Variants in MAGI2 observed in about 807,000 individuals in gnomAD.
The protein encoded by MAGI2 is membrane associated guanylate kinase, WW and PDZ domain containing 2, also known as membrane-associated guanylate kinase, WW and PDZ domain-containing protein 2.
A neutral mutation model predicts 133.3 loss-of-function variants in MAGI2; 35 were observed. The ratio of observed to expected loss-of-function variants is 0.26; its 90% CI spans 0.20 to 0.35. The LOEUF (loss-of-function observed/expected upper bound fraction) is 0.35. MAGI2 is among the 10% of genes least tolerant of loss of function. The pLI, the probability that MAGI2 is intolerant of heterozygous loss-of-function variation, is 1.00. For missense variants in MAGI2, 1,636 were observed against 1,863.4 expected (o/e 0.88, Z 2.25); for synonymous variants, 729 against 710.6 (o/e 1.03, Z -0.41).
At chr7:78,640,227 C>G (rs1332403208) in intron 2 of MAGI2, among the ~76,000 whole-genome samples, 1 of 151,992 alleles carries the variant, frequency 6.6e-6, no homozygotes, top group Non-Finnish European at 1.5e-5. Context: ...GTCAAATAAT[C>G]ATTTGAGACT....
At chr7:79,090,457 T>A (rs1213766178) in intron 1 of MAGI2, among the ~76,000 whole-genome samples, 1 of 152,130 alleles carries the variant, frequency 6.6e-6, no homozygotes, top group Non-Finnish European at 1.5e-5. Flanking sequence ...ATAGTTAGTT[T>A]ATAATGTAAT....
chr7:78,418,269 C>A (rs1002896833), intron 6 of MAGI2, among the ~76,000 whole-genome samples: 2 of 152,100 alleles, frequency 1.3e-5, no homozygotes, highest in African/African-American at 4.8e-5. Flanking sequence ...TAAGCAATAA[C>A]CATATGCATT....
chr7:79,437,941 T>C (rs1053468228), intron 1 of MAGI2, among the ~76,000 whole-genome samples: 2 of 152,152 alleles, frequency 1.3e-5, no homozygotes, highest in African/African-American at 2.4e-5. Context: ...TATATTATTA[T>C]AGATGTATGT....
chr7:79,119,843 C>T (rs924123659), intron 1 of MAGI2, among the ~76,000 whole-genome samples: 6 of 152,054 alleles, frequency 3.9e-5, no homozygotes, highest in African/African-American at 1.4e-4. Flanking sequence ...GCTTCCTTTA[C>T]AAGGCTAGGG....
chr7:79,136,015 A>AAG lies in MAGI2; in HGVS notation c.302-128811_302-128810dup, dbSNP rs1214926402. Among the ~76,000 whole-genome samples, 282 of 126,320 alleles carry AAG rather than the reference A, an allele frequency of 2.2e-3. 3 individuals carry two copies. Among genetic ancestry groups the AAG allele is most frequent in the African/African-American group, 9.6e-3 (260 of 27,142 alleles). 82.9% of individuals were successfully genotyped at this position (126,320 alleles called of 152,430 possible). A position where few individuals can be genotyped will look rare whatever the true frequency, so the allele number is the denominator to read the frequency against. ...AGAAAGAAAGAAAGAGAAAGAAAGA[A>AAG]AGAAAGAAAGAAGGAAAGAAAGAAA... On this transcript the variant is annotated intron_variant, in intron 1 of 21. Coordinates refer to ENST00000354212, the MANE Select transcript of MAGI2 (RefSeq NM_012301.4).
intron 2 of MAGI2, among the ~76,000 whole-genome samples, chr7:78,691,816 T>G (rs987980517): frequency 1.3e-5 from 2 of 152,086 alleles, no homozygotes; most frequent in African/African-American, 4.8e-5. Flanking sequence ...TGTATGACAC[T>G]ATAATGCTGG....
chr7:79,283,499 C>A (rs74451345), intron 1 of MAGI2, among the ~76,000 whole-genome samples: 1 of 152,126 alleles, frequency 6.6e-6, no homozygotes, highest in East Asian at 1.9e-4. Flanking sequence ...CTCTGAGGGA[C>A]CTTAATCTTC....
chr7:78,566,401 G>T (rs1458846903), intron 3 of MAGI2, among the ~76,000 whole-genome samples: 2 of 152,050 alleles, frequency 1.3e-5, no homozygotes, highest in Non-Finnish European at 2.9e-5. Flanking sequence ...ACAGGAAGAA[G>T]AAAAATGCTT....
intron 1 of MAGI2, among the ~76,000 whole-genome samples, chr7:79,049,723 T>G (rs1812503729): frequency 6.6e-6 from 1 of 152,272 alleles, no homozygotes; most frequent in Non-Finnish European, 1.5e-5. Flanking sequence ...CCTCTCATAT[T>G]TTTATACATA....
intron 1 of MAGI2, among the ~76,000 whole-genome samples, chr7:79,162,262 C>A (rs1020763480): frequency 9.9e-5 from 15 of 151,966 alleles, no homozygotes; most frequent in Non-Finnish European, 4.4e-5. Flanking sequence ...TTCTGACACA[C>A]AAATTACTCT....
intron 1 of MAGI2, among the ~76,000 whole-genome samples, chr7:79,228,370 A>AAAAAAAAAAAAAAAAAAAAAACAC (rs1491129211): frequency 6.8e-6 from 1 of 147,256 alleles, no homozygotes; most frequent in African/African-American, 2.5e-5. Context: ...AAAAAAAAAA[A>AAAAAAAAAAAAAAAAAAAAAACAC]GATCGTGGGA....
intron 2 of MAGI2, among the ~76,000 whole-genome samples, chr7:78,954,228 T>C (rs978827000): frequency 5.3e-5 from 8 of 152,264 alleles, no homozygotes; most frequent in Admixed American, 4.6e-4. Context: ...TGTCTACTTC[T>C]TATGGAGAAC....
chr7:79,140,262 G>A (rs1821993630), intron 1 of MAGI2, among the ~76,000 whole-genome samples: 1 of 152,124 alleles, frequency 6.6e-6, no homozygotes, highest in African/African-American at 2.4e-5. Flanking sequence ...AAAATTGGGT[G>A]TTTATTTCTT....
At chr7:78,909,553 ACATC>A (rs1444482139) in intron 2 of MAGI2, among the ~76,000 whole-genome samples, 1 of 147,038 alleles carries the variant, frequency 6.8e-6, no homozygotes, top group Non-Finnish European at 1.5e-5. Flanking sequence ...CAGTGAGCCG[ACATC>A]ATGCCACTGC....
intron 2 of MAGI2, among the ~76,000 whole-genome samples, chr7:78,878,136 A>G (rs943425264): frequency 6.6e-6 from 1 of 152,200 alleles, no homozygotes; most frequent in African/African-American, 2.4e-5. Context: ...AGACCTTACC[A>G]CATTACATCT....
intron 2 of MAGI2, among the ~76,000 whole-genome samples, chr7:78,966,322 C>T (rs1562727193): frequency 6.6e-6 from 1 of 152,040 alleles, no homozygotes; most frequent in Non-Finnish European, 1.5e-5. Flanking sequence ...ACCTGTTGAA[C>T]AGCAACCCTC....
At position 78,756,956 on chromosome 7, in the gene MAGI2, G is replaced by T. The variant is rs994754685; in HGVS notation, c.419-129717C>A. 2.6e-5 allele frequency among the ~76,000 whole-genome samples: 4 copies of T among 152,110 alleles called. No individual in the cohort carries two copies. In the South Asian group the frequency reaches 8.3e-4, roughly 32 times the overall value. ...CACTGATTTCAAGTGAGCCCTTAAA[G>T]CTACCTGCCAATTATTCTGTAGACC... On this transcript the variant is annotated intron_variant, in intron 2 of 21. Coordinates refer to ENST00000354212, the MANE Select transcript of MAGI2 (RefSeq NM_012301.4).
At chr7:79,333,992 G>C (rs1283978678) in intron 1 of MAGI2, among the ~76,000 whole-genome samples, 2 of 152,124 alleles carry the variant, frequency 1.3e-5, no homozygotes, top group African/African-American at 4.8e-5. Flanking sequence ...TTAGAGTTAA[G>C]GATGACATTA....
chr7:78,833,774 T>G (rs1408908143), intron 2 of MAGI2, among the ~76,000 whole-genome samples: 1 of 152,212 alleles, frequency 6.6e-6, no homozygotes, highest in Non-Finnish European at 1.5e-5. Flanking sequence ...GTTGTTGTAC[T>G]ATACCCTGCC....
Sources: gnomAD v4.1 joint callset for allele counts (sites outside exome capture counted in the v4.1 genomes callset) on GRCh38, gnomAD v4.1.1 for gene constraint, MANE v1.5 for transcripts, NCBI Gene and HGNC (gene_info 2026-07-23, HGNC 2026-07-21) for gene names.